Variants in PPFIBP1 observed in about 807,000 individuals in gnomAD.
The protein encoded by PPFIBP1 is PPFIB scaffold protein 1, also known as liprin-beta-1.
PPFIBP1 carries 112 observed loss-of-function variants against 137.8 expected under a neutral mutation model. That is an observed-to-expected ratio of 0.81 (90% CI 0.70 to 0.95). The LOEUF is 0.95. Among genes scored for constraint, PPFIBP1 ranks in the 40% least tolerant of loss-of-function variants. The probability of loss-of-function intolerance (pLI) is 0.00; values close to 1 mark genes in which losing one functional copy is unlikely to be tolerated. For synonymous variants in PPFIBP1, 378 were observed against 417.3 expected (o/e 0.91, Z 1.15); for missense variants, 1,083 against 1,196.6 (o/e 0.91, Z 1.40).
At chr12:27,657,419 T>G (rs1462539112) in intron 9 of PPFIBP1, among the ~76,000 whole-genome samples, 2 of 151,522 alleles carry the variant, frequency 1.3e-5, no homozygotes, top group Non-Finnish European at 2.9e-5. Flanking sequence ...CTAGGTTAAA[T>G]TTAACCTTTC....
At chr12:27,618,786 A>G (rs1225056748) in intron 2 of PPFIBP1, among the ~76,000 whole-genome samples, 1 of 152,240 alleles carries the variant, frequency 6.6e-6, no homozygotes, top group African/African-American at 2.4e-5. Context: ...TGTTTGGCTC[A>G]GAATAAATCT....
At chr12:27,633,208 C>T (rs1195901668) in intron 2 of PPFIBP1, among the ~76,000 whole-genome samples, 154 bp from the exon 3 acceptor site, 1 of 152,160 alleles carries the variant, frequency 6.6e-6, no homozygotes, top group African/African-American at 2.4e-5. Context: ...TCTTGTGCTA[C>T]AGTAGGTGAT....
At chr12:27,671,124 A>AG (rs2060174723) in intron 13 of PPFIBP1, among the ~76,000 whole-genome samples, 1 of 152,036 alleles carries the variant, frequency 6.6e-6, no homozygotes, top group South Asian at 2.1e-4. Context: ...GCAACATAGC[A>AG]AGACGCCGTC....
intron 1 of PPFIBP1, among the ~76,000 whole-genome samples, chr12:27,573,945 G>A (rs2050346505): frequency 1.3e-5 from 2 of 150,092 alleles, no homozygotes; most frequent in African/African-American, 4.9e-5. Flanking sequence ...TTGTACCACT[G>A]CACTCCAGCT....
At chr12:27,647,706 G>T (rs1593115434) in intron 5 of PPFIBP1, 23 bp from the exon 6 acceptor site, 3 of 1,476,098 alleles carry the variant, frequency 2.0e-6, no homozygotes, top group Admixed American at 2.1e-5. Context: ...TTCACTCATT[G>T]CATTATTTTG....
rs112914040 is a variant in PPFIBP1 at position 27,580,908 on chromosome 12, CT to C, written c.-36+2682del. 7.9e-3 allele frequency among the ~76,000 whole-genome samples: 1,149 copies of C among 146,116 alleles called. 7 individuals carry two copies. The highest frequency in any genetic ancestry group is 0.023 in the African/African-American group (935 of 40,154). ...AATTTGTACTTTTATACATTATACTCTTTTTTTTTTTTTCTTTTAAGAGACA... is the reference window on the plus strand; with the variant it reads ...AATTTGTACTTTTATACATTATACTCTTTTTTTTTTTTCTTTTAAGAGACA... On this transcript the variant is annotated intron_variant, in intron 2 of 29. Transcript: ENST00000228425.
intron 2 of PPFIBP1, among the ~76,000 whole-genome samples, chr12:27,618,437 T>C (rs2056001870): frequency 2.0e-5 from 3 of 152,250 alleles, no homozygotes. Flanking sequence ...TGAAGCTTCC[T>C]ACCTGGAGGC....
intron 1 of PPFIBP1, among the ~76,000 whole-genome samples, chr12:27,538,846 C>A (rs1049807250): frequency 6.6e-5 from 10 of 152,114 alleles, no homozygotes; most frequent in African/African-American, 2.4e-4. Flanking sequence ...CAAATAGGGG[C>A]AGTAATACTG....
chr12:27,681,442 C>A, intron 21 of PPFIBP1, 104 bp from the exon 22 acceptor site: 4 of 1,303,066 alleles, frequency 3.1e-6, no homozygotes, highest in South Asian at 1.4e-5. Context: ...TGTGTATCAC[C>A]AGGGAATTTC....
rs780301660 is a variant in PPFIBP1 at position 27,682,681 on chromosome 12, G to A, written c.2225G>A (p.Arg742Gln). ...TQFDEGRVDG[R>Q]MLHYMTVDDL... is the part of the protein sequence containing the mutation. The stretch of plus-strand genomic sequence containing the variant: ...TTTGATGAAGGACGGGTTGATGGTC[G>A]AATGCTACATTACATGACTGTTGTA... The change falls in exon 24 of 30, where the codon CGA (arginine) becomes CAA (glutamine). Residue 742 changes from arginine (R) to glutamine (Q), a missense_variant. Coordinates refer to ENST00000228425, the MANE Select transcript of PPFIBP1 (RefSeq NM_003622.4). The A allele has an allele frequency of 1.3e-5, 21 of 1,614,016 alleles. No homozygotes were observed. The highest frequency in any genetic ancestry group is 6.7e-5 in the East Asian group (3 of 44,896).
At chr12:27,570,641 G>T (rs902365038) in intron 1 of PPFIBP1, among the ~76,000 whole-genome samples, 3 of 152,088 alleles carry the variant, frequency 2.0e-5, no homozygotes, top group African/African-American at 7.2e-5. Flanking sequence ...CACTGACTGG[G>T]GGTGGGAAGG....
At chr12:27,563,355 G>T (rs1308532584) in intron 1 of PPFIBP1, among the ~76,000 whole-genome samples, 1 of 147,746 alleles carries the variant, frequency 6.8e-6, no homozygotes, top group Admixed American at 6.9e-5. Context: ...TACTCAGGAG[G>T]CTGAGGCAGG....
intron 2 of PPFIBP1, among the ~76,000 whole-genome samples, chr12:27,601,006 GTATACAGTACAT>G (rs2053925111): frequency 6.6e-6 from 1 of 152,058 alleles, no homozygotes; most frequent in Admixed American, 6.6e-5. Context: ...CTATTTTTAA[GTATACAGTACAT>G]TATTATTAAC....
At position 27,633,354 on chromosome 12, in the gene PPFIBP1, T is replaced by C. The variant is rs2057394338; in HGVS notation, c.-35-8T>C. On this transcript the variant is annotated splice_polypyrimidine_tract_variant and splice_region_variant and intron_variant, in intron 2 of 29. Coordinates refer to ENST00000228425, the MANE Select transcript of PPFIBP1 (RefSeq NM_003622.4). Reference sequence around the variant, plus strand: ...AATGGATGTAATGATAACCTTATTTTTTTTCAGATCTGGGTTGGAATTTGC... The same window carrying C: ...AATGGATGTAATGATAACCTTATTTCTTTTCAGATCTGGGTTGGAATTTGC... 1 of 1,587,642 alleles carries C rather than the reference T, an allele frequency of 6.3e-7. No individual in the cohort carries two copies. The highest frequency in any genetic ancestry group is 8.6e-7 in the Non-Finnish European group (1 of 1,157,080).
intron 2 of PPFIBP1, among the ~76,000 whole-genome samples, chr12:27,581,986 G>A (rs921096958): frequency 3.3e-5 from 5 of 151,320 alleles, no homozygotes; most frequent in Admixed American, 2.0e-4. Flanking sequence ...GTGTACGTAT[G>A]TGTGTGTGTG....
chr12:27,541,906 C>G (rs1243831499), intron 1 of PPFIBP1, among the ~76,000 whole-genome samples: 1 of 152,096 alleles, frequency 6.6e-6, no homozygotes, highest in East Asian at 1.9e-4. Context: ...GTCGTAGTTT[C>G]TTGGTGGTAC....
At chr12:27,668,718 A>G (rs1490476280) in intron 13 of PPFIBP1, among the ~76,000 whole-genome samples, 3 of 152,258 alleles carry the variant, frequency 2.0e-5, no homozygotes, top group African/African-American at 7.2e-5. Context: ...CCATAAGCCT[A>G]TCTCTAGCTA....
chr12:27,685,292 C>A (rs1384600620), intron 24 of PPFIBP1, among the ~76,000 whole-genome samples: 1 of 151,720 alleles, frequency 6.6e-6, no homozygotes. Context: ...TATACACACA[C>A]ACACACACTC....
In PPFIBP1 at chr12:27,681,470, T is replaced by C. The variant is rs530611372; in HGVS notation, c.1896-76T>C. 12 of 1,489,714 alleles carry C rather than the reference T, an allele frequency of 8.1e-6. No homozygotes were observed. In the South Asian group the frequency reaches 8.4e-5, roughly 10 times the overall value. The allele number at this position is 1,489,714 out of a possible 1,614,324, so 92.3% of individuals were successfully genotyped here. A position where few individuals can be genotyped will look rare whatever the true frequency, so the allele number is the denominator to read the frequency against. ...GGAATTTCCATGTCTATTGAATGTA[T>C]AGTTGTTTAAAACTAATGATAAGCC... On this transcript the variant is annotated intron_variant, in intron 21 of 29. Transcript: ENST00000228425.
Sources: gnomAD v4.1 joint callset for allele counts (sites outside exome capture counted in the v4.1 genomes callset) on GRCh38, gnomAD v4.1.1 for gene constraint, MANE v1.5 for transcripts, NCBI Gene and HGNC (gene_info 2026-07-23, HGNC 2026-07-21) for gene names.